Variants in CHCHD3 observed in about 807,000 individuals in gnomAD.
CHCHD3 encodes coiled-coil-helix-coiled-coil-helix domain containing 3.
CHCHD3 carries 20 observed loss-of-function variants against 38.2 expected under a neutral mutation model. The observed-to-expected ratio is 0.52, with a 90% confidence interval of 0.37 to 0.76. The LOEUF (loss-of-function observed/expected upper bound fraction) is 0.76. Among genes scored for constraint, CHCHD3 ranks in the 30% least tolerant of loss-of-function variants. The pLI is 0.00. For synonymous variants in CHCHD3, 82 were observed against 100.0 expected, an observed-to-expected ratio of 0.82 and a Z score of 1.07; for missense variants, 245 against 279.2, an observed-to-expected ratio of 0.88 and a Z score of 0.87.
chr7:132,910,878 AT>A (rs1477706462), intron 4 of CHCHD3, among the ~76,000 whole-genome samples: 1 of 152,206 alleles, frequency 6.6e-6, no homozygotes, highest in Non-Finnish European at 1.5e-5. Flanking sequence ...CTACGTAAGC[AT>A]TACCAATCAA....
chr7:133,047,457 C>T (rs1386940847), intron 2 of CHCHD3, among the ~76,000 whole-genome samples: 2 of 152,172 alleles, frequency 1.3e-5, no homozygotes, highest in Non-Finnish European at 2.9e-5. Flanking sequence ...ATTTAAGATG[C>T]AAATGTGGTA....
intron 3 of CHCHD3, among the ~76,000 whole-genome samples, chr7:132,976,931 T>C (rs1409520086): frequency 6.6e-6 from 1 of 152,032 alleles, no homozygotes; most frequent in Admixed American, 6.6e-5. Flanking sequence ...GTTTTGTGTC[T>C]TAAATAAAAA....
At chr7:132,949,757 T>G (rs1810993214) in intron 4 of CHCHD3, among the ~76,000 whole-genome samples, 2 of 151,950 alleles carry the variant, frequency 1.3e-5, no homozygotes, top group Non-Finnish European at 2.9e-5. Flanking sequence ...TGCTTCCTAA[T>G]CACCAAGAAA....
At chr7:133,049,885 T>C (rs1373651164) in intron 2 of CHCHD3, among the ~76,000 whole-genome samples, 1 of 152,218 alleles carries the variant, frequency 6.6e-6, no homozygotes, top group Non-Finnish European at 1.5e-5. Flanking sequence ...TTGGTCAAAG[T>C]CCTTTTTACA....
chr7:133,038,889 G>A (rs1470680500), intron 2 of CHCHD3, among the ~76,000 whole-genome samples: 1 of 152,108 alleles, frequency 6.6e-6, no homozygotes, highest in Non-Finnish European at 1.5e-5. Context: ...CCATACAATT[G>A]AAAATATAAC....
intron 5 of CHCHD3, among the ~76,000 whole-genome samples, chr7:132,881,926 T>A (rs927813004): frequency 3.3e-5 from 5 of 152,168 alleles, no homozygotes; most frequent in Non-Finnish European, 7.4e-5. Context: ...CACATATTCC[T>A]GGAAGAAATC....
intron 6 of CHCHD3, among the ~76,000 whole-genome samples, chr7:132,802,643 G>C (rs1400245307): frequency 6.6e-6 from 1 of 152,102 alleles, no homozygotes. Context: ...TGGTGTTCTT[G>C]ACTTATATTT....
intron 2 of CHCHD3, among the ~76,000 whole-genome samples, chr7:133,055,308 G>T (rs1814286269): frequency 7.0e-6 from 1 of 143,702 alleles, no homozygotes. Flanking sequence ...AGAATAATTA[G>T]TTGAATATAT....
At chr7:132,912,233 C>T (rs968861955) in intron 4 of CHCHD3, among the ~76,000 whole-genome samples, 2 of 152,036 alleles carry the variant, frequency 1.3e-5, no homozygotes, top group Non-Finnish European at 2.9e-5. Context: ...ATATAACTAC[C>T]ATAATTAGAA....
chr7:133,036,005 G>T (rs1239404966), intron 2 of CHCHD3: 6 of 876,364 alleles, frequency 6.8e-6, no homozygotes, highest in Non-Finnish European at 9.4e-6. Flanking sequence ...AATGAAACTA[G>T]TAATTAGAAT....
intron 6 of CHCHD3, among the ~76,000 whole-genome samples, chr7:132,797,933 A>G (rs1469506686): frequency 6.6e-6 from 1 of 152,194 alleles, no homozygotes; most frequent in Non-Finnish European, 1.5e-5. Flanking sequence ...TCTTAATACA[A>G]GAAGCTTCCA....
At position 132,955,173 on chromosome 7, in the gene CHCHD3, G is replaced by GGGGTGTGTGTGTGTGTGTGTGTGT. The variant is rs138213006; in HGVS notation, c.369+19995_369+19996insACACACACACACACACACACACCC. Among the ~76,000 whole-genome samples the GGGGTGTGTGTGTGTGTGTGTGTGT allele has an allele frequency of 1.3e-3, 169 of 126,276 alleles. 1 individual carries two copies. Among genetic ancestry groups the GGGGTGTGTGTGTGTGTGTGTGTGT allele is most frequent in the Middle Eastern group, 3.9e-3 (1 of 254 alleles). The allele number at this position is 126,276 out of a possible 152,430, so 82.8% of individuals were successfully genotyped here. A position where few individuals can be genotyped will look rare whatever the true frequency, so the allele number is the denominator to read the frequency against. ...AGAAAGGAGGCTTTTTCCCTCAGAG[G>GGGGTGTGTGTGTGTGTGTGTGTGT]GTGTGTGTGTGTGTGTGTGTGTGTG... On this transcript the variant is annotated intron_variant, in intron 4 of 7. Coordinates refer to ENST00000262570, the MANE Select transcript of CHCHD3 (RefSeq NM_017812.4).
intron 3 of CHCHD3, among the ~76,000 whole-genome samples, chr7:133,002,121 C>A (rs966632115): frequency 3.3e-5 from 5 of 152,174 alleles, no homozygotes; most frequent in African/African-American, 1.2e-4. Context: ...AGTGGTCTGA[C>A]TCCTAGGACC....
At chr7:132,968,548 T>C (rs762721604) in intron 4 of CHCHD3, among the ~76,000 whole-genome samples, 1 of 152,202 alleles carries the variant, frequency 6.6e-6, no homozygotes, top group Non-Finnish European at 1.5e-5. Context: ...GAGGTTAGTG[T>C]CTAGGGCAAG....
intron 2 of CHCHD3, among the ~76,000 whole-genome samples, chr7:133,059,943 C>T (rs1348005322): frequency 6.6e-6 from 1 of 152,200 alleles, no homozygotes; most frequent in Non-Finnish European, 1.5e-5. Context: ...GGGAAGCGAA[C>T]ATACACTTCT....
intron 6 of CHCHD3, among the ~76,000 whole-genome samples, chr7:132,798,421 A>G (rs2117032011): frequency 6.6e-6 from 1 of 152,286 alleles, no homozygotes; most frequent in African/African-American, 2.4e-5. Context: ...TTTAAAAGGA[A>G]TCAGCCGTGC....
Position 132,913,948 on chromosome 7 carries a change from C to CT in CHCHD3, c.370-28204dup, listed in dbSNP as rs71178066. Among the ~76,000 whole-genome samples, 442 of 102,308 alleles carry CT rather than the reference C, an allele frequency of 4.3e-3. 1 individual carries two copies. Among genetic ancestry groups the CT allele is most frequent in the East Asian group, 0.011 (41 of 3,576 alleles). The allele number at this position is 102,308 out of a possible 152,430, so 67.1% of individuals were successfully genotyped here. Reference sequence around the variant, plus strand: ...AAGGCTCTGTAAACGTTTTCTTTTTCTTTTTTTTTTTTTTTTTTTTTGAGA... The same window carrying CT: ...AAGGCTCTGTAAACGTTTTCTTTTTCTTTTTTTTTTTTTTTTTTTTTTGAGA... On this transcript the variant is annotated intron_variant, in intron 4 of 7. Transcript: ENST00000262570.
chr7:132,906,662 T>A (rs1439149742), intron 4 of CHCHD3, among the ~76,000 whole-genome samples: 1 of 150,666 alleles, frequency 6.6e-6, no homozygotes, highest in Non-Finnish European at 1.5e-5. Flanking sequence ...GTCAGATGAA[T>A]ACGGCAGTAA....
chr7:132,960,473 T>C (rs1163301301), intron 4 of CHCHD3, among the ~76,000 whole-genome samples: 1 of 152,122 alleles, frequency 6.6e-6, no homozygotes, highest in Non-Finnish European at 1.5e-5. Context: ...TAATAATATA[T>C]TGAGTTCATC....
Sources: gnomAD v4.1 joint callset for allele counts (sites outside exome capture counted in the v4.1 genomes callset) on GRCh38, gnomAD v4.1.1 for gene constraint, MANE v1.5 for transcripts, NCBI Gene and HGNC (gene_info 2026-07-23, HGNC 2026-07-21) for gene names.